The following HEPHL1 variants were observed in gnomAD, a reference collection of about 807,000 sequenced individuals.
HEPHL1 encodes ferroxidase HEPHL1.
Under a neutral mutation model 122.0 loss-of-function variants are expected in HEPHL1, and 123 were observed. The observed-to-expected ratio is 1.01, with a 90% confidence interval of 0.87 to 1.17. HEPHL1 has a LOEUF of 1.17. Ranked by LOEUF, HEPHL1 falls within the 50% of genes most tolerant of loss-of-function variation. The pLI is 0.00. For missense variants in HEPHL1, 1,452 were observed against 1,430.5 expected (o/e 1.01, Z -0.24); for synonymous variants, 527 against 508.9 (o/e 1.04, Z -0.48).
chr11:94,029,948 TAG>T, intron 1 of HEPHL1, among the ~76,000 whole-genome samples: 1 of 152,246 alleles, frequency 6.6e-6, no homozygotes, highest in East Asian at 1.9e-4. Context: ...CAGGACCTCT[TAG>T]CAGATTAAAA....
chr11:94,042,882 A>AAAAAAAAAAAAAACAAAC (rs1449884226), intron 1 of HEPHL1, among the ~76,000 whole-genome samples: 1 of 136,838 alleles, frequency 7.3e-6, no homozygotes, highest in African/African-American at 2.8e-5. Context: ...TAATAAAAAA[A>AAAAAAAAAAAAAACAAAC]AAAAAAAAAA....
Position 94,064,452 on chromosome 11 carries a change from C to T in HEPHL1, c.750C>T (p.Thr250=), listed in dbSNP as rs750777593. The change falls in exon 4 of 20, where the codon ACC becomes ACT. Residue 250 remains threonine (T), a synonymous_variant. Coordinates refer to ENST00000315765, the MANE Select transcript of HEPHL1 (RefSeq NM_001098672.2). ...YLNENIKHFC[T]NPDSVDKKDA... ...ATGAAAATATCAAACATTTCTGCACCAACCCTGATTCAGTTGACAAGAAAG... is the reference window on the plus strand; with the variant it reads ...ATGAAAATATCAAACATTTCTGCACTAACCCTGATTCAGTTGACAAGAAAG... 8.4e-5 allele frequency: 135 copies of T among 1,612,812 alleles called. No homozygotes were observed. The highest frequency in any genetic ancestry group is 3.3e-4 in the Middle Eastern group (2 of 6,058).
At chr11:94,058,050 G>C (rs926015546) in intron 2 of HEPHL1, among the ~76,000 whole-genome samples, 2 of 151,892 alleles carry the variant, frequency 1.3e-5, no homozygotes, top group Non-Finnish European at 2.9e-5. Flanking sequence ...TTTAAGCCTG[G>C]CTTCTGAGAG....
chr11:94,055,683 C>A, intron 2 of HEPHL1: 1 of 386,858 alleles, frequency 2.6e-6, no homozygotes, highest in South Asian at 2.1e-5. Flanking sequence ...TAGTGACAGG[C>A]TGGAAGACAA....
At chr11:94,028,001 T>C (rs1591458998) in intron 1 of HEPHL1, among the ~76,000 whole-genome samples, 1 of 152,142 alleles carries the variant, frequency 6.6e-6, no homozygotes, top group Non-Finnish European at 1.5e-5. Context: ...AGAACGTTCC[T>C]TCTCAAGCTC....
At position 94,075,123 on chromosome 11, in the gene HEPHL1, T is replaced by C. The variant is rs1163967839; in HGVS notation, c.1505-51T>C. 11 of 1,503,590 alleles carry C rather than the reference T, an allele frequency of 7.3e-6. No individual in the cohort carries two copies. The East Asian group carries it at 2.1e-4, about 29-fold the overall frequency. 93.1% of individuals were successfully genotyped at this position (1,503,590 alleles called of 1,614,324 possible). On this transcript the variant is annotated intron_variant, in intron 8 of 19. Transcript: ENST00000315765. ...GGGCTGGAAGACCCAGTCTGACCAA[T>C]GTAATGTTCTTGCCTGTTGTTTTGA... is the stretch of plus-strand genomic sequence containing the variant.
At chr11:94,032,086 T>C (rs545243168) in intron 1 of HEPHL1, among the ~76,000 whole-genome samples, 1 of 152,328 alleles carries the variant, frequency 6.6e-6, no homozygotes, top group East Asian at 1.9e-4. Flanking sequence ...AATCAAAGCC[T>C]CCTTTCCAAT....
chr11:94,101,433 A>G, intron 14 of HEPHL1, 98 bp downstream of exon 14: 3 of 1,206,110 alleles, frequency 2.5e-6, no homozygotes, highest in South Asian at 3.1e-5. Context: ...TCTTAATGTC[A>G]ATGTGTTTCA....
intron 13 of HEPHL1, among the ~76,000 whole-genome samples, chr11:94,095,334 G>A (rs1393291280): frequency 1.3e-5 from 2 of 152,150 alleles, no homozygotes; most frequent in African/African-American, 2.4e-5. Context: ...TGAGGGCTCT[G>A]TTCTGTTCCA....
chr11:94,085,157 C>T (rs540277012), intron 10 of HEPHL1, among the ~76,000 whole-genome samples: 2 of 152,218 alleles, frequency 1.3e-5, no homozygotes, highest in South Asian at 2.1e-4. Context: ...TCAGACATTG[C>T]GTTATATCAT....
chr11:94,058,677 T>G (rs956536606), intron 2 of HEPHL1, among the ~76,000 whole-genome samples: 6 of 98,174 alleles, frequency 6.1e-5, no homozygotes, highest in Non-Finnish European at 9.0e-5. Flanking sequence ...TATGCTTAAG[T>G]ATTAGGACTA....
intron 2 of HEPHL1, among the ~76,000 whole-genome samples, chr11:94,046,595 G>A (rs753562816): frequency 6.7e-6 from 1 of 149,444 alleles, no homozygotes; most frequent in East Asian, 2.0e-4. Context: ...AGCCTTGGCT[G>A]TGGGTACATT....
chr11:94,085,112 A>T (rs1946205750), intron 10 of HEPHL1, among the ~76,000 whole-genome samples: 1 of 152,210 alleles, frequency 6.6e-6, no homozygotes, highest in Non-Finnish European at 1.5e-5. Context: ...TCCAAGAAAC[A>T]TCAAGCATGA....
intron 2 of HEPHL1, among the ~76,000 whole-genome samples, chr11:94,051,431 G>A (rs969448834): frequency 6.6e-6 from 1 of 152,022 alleles, no homozygotes; most frequent in Non-Finnish European, 1.5e-5. Flanking sequence ...TCATACACCT[G>A]TTTACCATTT....
chr11:94,101,022 A>G (rs1397813110), intron 13 of HEPHL1, among the ~76,000 whole-genome samples, 173 bp from the exon 14 acceptor site: 1 of 152,252 alleles, frequency 6.6e-6, no homozygotes, highest in East Asian at 1.9e-4. Flanking sequence ...AGACTACATG[A>G]TATTTAATAC....
intron 11 of HEPHL1, among the ~76,000 whole-genome samples, chr11:94,086,963 C>G (rs568378582): frequency 6.6e-6 from 1 of 152,300 alleles, no homozygotes; most frequent in African/African-American, 2.4e-5. Flanking sequence ...TGAGTACTTG[C>G]TGTTTACTAA....
chr11:94,042,875 T>TAAAAAA lies in HEPHL1; in HGVS notation c.171-2785_171-2780dup, dbSNP rs58966846. On this transcript the variant is annotated intron_variant, in intron 1 of 19. Coordinates refer to ENST00000315765, the MANE Select transcript of HEPHL1 (RefSeq NM_001098672.2). The stretch of plus-strand genomic sequence containing the variant: ...ATGTACCCTAAAACTTAAAGTATAA[T>TAAAAAA]AAAAAAAAAAAAAAAAAACTGCATG... Among the ~76,000 whole-genome samples the TAAAAAA allele has an allele frequency of 4.1e-4, 26 of 63,180 alleles. 1 individual carries two copies. The East Asian group carries it at 7.8e-3, about 19-fold the overall frequency. The allele number at this position is 63,180 out of a possible 152,430, so 41.4% of individuals were successfully genotyped here. A position where few individuals can be genotyped will look rare whatever the true frequency, so the allele number is the denominator to read the frequency against.
chr11:94,078,557 G>A (rs1236275846), intron 9 of HEPHL1, among the ~76,000 whole-genome samples: 1 of 150,520 alleles, frequency 6.6e-6, no homozygotes, highest in African/African-American at 2.4e-5. Context: ...CTCAGCACCT[G>A]CAGGCTGAGT....
At position 94,110,868 on chromosome 11, in the gene HEPHL1, G is replaced by T. The variant is rs7925817; in HGVS notation, c.3046-35G>T. Reference sequence around the variant, plus strand: ...GTTCTTGCTGTTCTGAGCAAAGAAGGCTACTAGCTGTTGTTTTTTAAAACG... The same window carrying T: ...GTTCTTGCTGTTCTGAGCAAAGAAGTCTACTAGCTGTTGTTTTTTAAAACG... On this transcript the variant is annotated intron_variant, in intron 17 of 19. Transcript: ENST00000315765. The T allele has an allele frequency of 0.66, 1,039,502 of 1,565,294 alleles. 346,746 individuals carry two copies. The highest frequency in any genetic ancestry group is 0.76 in the Admixed American group (42,810 of 56,122).
Sources: gnomAD v4.1 joint callset for allele counts (sites outside exome capture counted in the v4.1 genomes callset) on GRCh38, gnomAD v4.1.1 for gene constraint, MANE v1.5 for transcripts, NCBI Gene and HGNC (gene_info 2026-07-23, HGNC 2026-07-21) for gene names.